The following GABRB2 variants were observed in gnomAD, a reference collection of about 807,000 sequenced individuals.
GABRB2 encodes gamma-aminobutyric acid type A receptor subunit beta2.
A neutral mutation model predicts 54.7 loss-of-function variants in GABRB2; 16 were observed. That is an observed-to-expected ratio of 0.29 (90% CI 0.20 to 0.44). The LOEUF is 0.44. Among genes scored for constraint, GABRB2 ranks in the 20% least tolerant of loss-of-function variants. The probability of loss-of-function intolerance (pLI) is 1.00; values close to 1 mark genes in which losing one functional copy is unlikely to be tolerated. For synonymous variants in GABRB2, 244 were observed against 233.8 expected (o/e 1.04, Z -0.40); for missense variants, 355 against 644.0 (o/e 0.55, Z 4.86).
At chr5:161,326,912 G>T in intron 8 of GABRB2, 2 of 780,198 alleles carry the variant, frequency 2.6e-6, no homozygotes, top group Non-Finnish European at 3.1e-6. Context: ...AAATATGCGT[G>T]TTCTTAGTAT....
intron 3 of GABRB2, among the ~76,000 whole-genome samples, chr5:161,494,244 T>C (rs934159690): frequency 7.9e-5 from 12 of 151,860 alleles, no homozygotes; most frequent in African/African-American, 2.9e-4. Flanking sequence ...TTAGAGCTTG[T>C]AATCTATTTA....
intron 4 of GABRB2, among the ~76,000 whole-genome samples, chr5:161,430,447 A>C (rs927457324): frequency 3.3e-5 from 5 of 152,196 alleles, no homozygotes; most frequent in Non-Finnish European, 7.3e-5. Context: ...AGAGGAAAGA[A>C]CATGCCTTGG....
At chr5:161,435,145 C>CA in intron 4 of GABRB2, among the ~76,000 whole-genome samples, 1 of 151,884 alleles carries the variant, frequency 6.6e-6, no homozygotes, top group South Asian at 2.1e-4. Context: ...AAAATTATAC[C>CA]AGTTTTGAAA....
chr5:161,449,352 TTAC>T (rs537545767), intron 4 of GABRB2, among the ~76,000 whole-genome samples: 2 of 152,100 alleles, frequency 1.3e-5, no homozygotes, highest in Admixed American at 6.6e-5. Context: ...CCAATAAAGG[TTAC>T]TACTACTACT....
At chr5:161,494,971 T>A (rs1759188119) in intron 3 of GABRB2, among the ~76,000 whole-genome samples, 3 of 151,990 alleles carry the variant, frequency 2.0e-5, no homozygotes, top group Admixed American at 2.0e-4. Context: ...GGCTTTTAAC[T>A]CATCTTTCCT....
intron 3 of GABRB2, among the ~76,000 whole-genome samples, chr5:161,476,003 C>T (rs544734592): frequency 6.6e-6 from 1 of 151,982 alleles, no homozygotes; most frequent in African/African-American, 2.4e-5. Flanking sequence ...GTAAAATAAT[C>T]TCTGTTTGCA....
Position 161,419,710 on chromosome 5 carries a change from G to A in GABRB2, c.459-8653C>T, listed in dbSNP as rs75960080. ...TCCTGAGTGAAATAATTCAGAAACAGAAAGGTAAATACGGCATGTTCCTCA... is the reference window on the plus strand; with the variant it reads ...TCCTGAGTGAAATAATTCAGAAACAAAAAGGTAAATACGGCATGTTCCTCA... On this transcript the variant is annotated intron_variant, in intron 4 of 9. Transcript: ENST00000393959. Among the ~76,000 whole-genome samples, 551 of 152,314 alleles carry A rather than the reference G, an allele frequency of 3.6e-3. 4 individuals are homozygous for A. Among genetic ancestry groups the A allele is most frequent in the African/African-American group, 0.012 (490 of 41,582 alleles).
intron 4 of GABRB2, among the ~76,000 whole-genome samples, chr5:161,452,914 T>G (rs769952493): frequency 2.6e-5 from 4 of 152,148 alleles, no homozygotes; most frequent in Non-Finnish European, 5.9e-5. Flanking sequence ...GAGAATTACT[T>G]GGGCCCAGGA....
chr5:161,335,387 T>C (rs1753963366), intron 6 of GABRB2, among the ~76,000 whole-genome samples: 4 of 152,150 alleles, frequency 2.6e-5, no homozygotes, highest in Admixed American at 2.6e-4. Context: ...TTTTCACGTA[T>C]ATGCTTCTTT....
At chr5:161,484,187 T>C (rs1758849426) in intron 3 of GABRB2, among the ~76,000 whole-genome samples, 2 of 152,102 alleles carry the variant, frequency 1.3e-5, no homozygotes, top group South Asian at 4.1e-4. Context: ...TCAGTGATTA[T>C]CACATGTACT....
chr5:161,385,310 T>C (rs1755590247), intron 5 of GABRB2, among the ~76,000 whole-genome samples: 1 of 152,220 alleles, frequency 6.6e-6, no homozygotes, highest in East Asian at 1.9e-4. Flanking sequence ...AAATCTCTCA[T>C]AAACATTTCA....
chr5:161,536,688 C>A (rs563296196), intron 3 of GABRB2, among the ~76,000 whole-genome samples: 1 of 152,166 alleles, frequency 6.6e-6, no homozygotes, highest in African/African-American at 2.4e-5. Flanking sequence ...CCTCCGCCTC[C>A]CAGGTTCAAG....
At chr5:161,480,294 T>G (rs1445958824) in intron 3 of GABRB2, among the ~76,000 whole-genome samples, 3 of 151,922 alleles carry the variant, frequency 2.0e-5, no homozygotes, top group African/African-American at 7.3e-5. Context: ...TCACTGAAAT[T>G]TGGGGTTTGA....
chr5:161,327,384 TTTTTA>T (rs1217251347), intron 8 of GABRB2, among the ~76,000 whole-genome samples: 1 of 152,020 alleles, frequency 6.6e-6, no homozygotes, highest in African/African-American at 2.4e-5. Flanking sequence ...TTACTTTTAT[TTTTTA>T]TTTTATTTTA....
At chr5:161,428,165 T>C (rs1444940610) in intron 4 of GABRB2, among the ~76,000 whole-genome samples, 1 of 152,176 alleles carries the variant, frequency 6.6e-6, no homozygotes, top group African/African-American at 2.4e-5. Flanking sequence ...AAATCCTTTG[T>C]TTTGTTTTGT....
intron 5 of GABRB2, among the ~76,000 whole-genome samples, chr5:161,339,093 A>G (rs1300061951): frequency 6.6e-6 from 1 of 152,158 alleles, no homozygotes; most frequent in Non-Finnish European, 1.5e-5. Context: ...TTCAGAGACA[A>G]TGACAATCCT....
intron 9 of GABRB2, among the ~76,000 whole-genome samples, chr5:161,299,533 A>G (rs1389827903): frequency 6.6e-6 from 1 of 152,144 alleles, no homozygotes; most frequent in Non-Finnish European, 1.5e-5. Flanking sequence ...CTGTGATCTA[A>G]TGGTGCCTTG....
intron 3 of GABRB2, 27 bp from the exon 4 acceptor site, chr5:161,459,871 G>T: frequency 7.0e-7 from 1 of 1,422,766 alleles, no homozygotes; most frequent in Non-Finnish European, 9.9e-7. Context: ...AAAAAACATG[G>T]TTAGTTTACA....
At chr5:161,352,531 T>G (rs915285842) in intron 5 of GABRB2, among the ~76,000 whole-genome samples, 1 of 152,062 alleles carries the variant, frequency 6.6e-6, no homozygotes, top group East Asian at 1.9e-4. Context: ...GAGAGTAGAA[T>G]GACGGTTACC....
Sources: allele counts gnomAD v4.1 joint callset (sites outside exome capture counted in the v4.1 genomes callset), GRCh38; gene constraint gnomAD v4.1.1; transcripts MANE v1.5; gene names NCBI Gene and HGNC (gene_info 2026-07-23, HGNC 2026-07-21).